The following TSPEAR variants were observed in gnomAD, a reference collection of about 807,000 sequenced individuals.
The protein encoded by TSPEAR is thrombospondin-type laminin G domain and EAR repeat-containing protein.
A neutral mutation model predicts 71.6 loss-of-function variants in TSPEAR; 69 were observed. The ratio of observed to expected loss-of-function variants is 0.96; its 90% confidence interval spans 0.79 to 1.18. The LOEUF is 1.18. Among genes scored for constraint, TSPEAR ranks in the 50% most tolerant of loss-of-function variants. The pLI is 0.00. For missense variants in TSPEAR, 971 were observed against 894.9 expected, an observed-to-expected ratio of 1.09 and a Z score of -1.09; for synonymous variants, 402 against 387.2, an observed-to-expected ratio of 1.04 and a Z score of -0.45.
chr21:44,507,822 C>A (rs1288727252), intron 10 of TSPEAR, among the ~76,000 whole-genome samples: 1 of 152,220 alleles, frequency 6.6e-6, no homozygotes, highest in African/African-American at 2.4e-5. Context: ...TGGGGACACA[C>A]AACTGCCACC....
At chr21:44,610,287 C>T (rs1439275843) in intron 1 of TSPEAR, among the ~76,000 whole-genome samples, 2 of 152,236 alleles carry the variant, frequency 1.3e-5, no homozygotes, top group African/African-American at 2.4e-5. Flanking sequence ...GGCAGCCCCT[C>T]CCATCAGAGG....
chr21:44,675,037 A>G (rs1450410768), intron 1 of TSPEAR, among the ~76,000 whole-genome samples: 1 of 152,154 alleles, frequency 6.6e-6, no homozygotes, highest in Non-Finnish European at 1.5e-5. Context: ...ATTGTTCCAA[A>G]AAATTGAAGA....
chr21:44,503,160 G>A (rs587681008), intron 11 of TSPEAR, among the ~76,000 whole-genome samples: 2 of 139,734 alleles, frequency 1.4e-5, no homozygotes, highest in South Asian at 2.3e-4. Context: ...GGCCGGCCTC[G>A]GTGAGCCCTT....
intron 8 of TSPEAR, among the ~76,000 whole-genome samples, chr21:44,524,136 G>A (rs1341866701): frequency 2.7e-5 from 4 of 150,686 alleles, no homozygotes; most frequent in Admixed American, 6.6e-5. Flanking sequence ...GTCAGTCAGT[G>A]AGGTAGTCAG....
Position 44,569,266 on chromosome 21 carries a change from A to C in TSPEAR, c.83-1261T>G, listed in dbSNP as rs117381890. ...CACGCGCACACAGGGTGTGAAACGC[A>C]GGGTGTGATGGGCACTTCTTTCTTA... On this transcript the variant is annotated intron_variant, in intron 1 of 11. Coordinates refer to ENST00000323084, the MANE Select transcript of TSPEAR (RefSeq NM_144991.3). Among the ~76,000 whole-genome samples, 71 of 152,298 alleles carry C rather than the reference A, an allele frequency of 4.7e-4. 1 individual carries two copies. The East Asian group carries it at 0.011, about 23-fold the overall frequency.
At chr21:44,689,710 T>TA (rs368034542) in intron 1 of TSPEAR, among the ~76,000 whole-genome samples, 2 of 76,548 alleles carry the variant, frequency 2.6e-5, no homozygotes, top group African/African-American at 6.1e-5. Context: ...CAGAATAGAA[T>TA]GAATATATAT....
chr21:44,502,598 G>A (rs2052054600), intron 11 of TSPEAR, among the ~76,000 whole-genome samples: 1 of 152,254 alleles, frequency 6.6e-6, no homozygotes, highest in African/African-American at 2.4e-5. Context: ...ATGTTAGGAT[G>A]TCCACACGCC....
intron 9 of TSPEAR, among the ~76,000 whole-genome samples, chr21:44,512,368 G>A (rs1555912829): frequency 3.3e-5 from 5 of 152,084 alleles, no homozygotes. Flanking sequence ...CCACTCCTAA[G>A]ATGGGAAAGA....
intron 1 of TSPEAR, chr21:44,702,851 C>A: frequency 1.1e-6 from 1 of 874,954 alleles, no homozygotes; most frequent in East Asian, 2.4e-5. Context: ...CCAACCTCTC[C>A]CACTGCTGAC....
chr21:44,501,050 T>G (rs2052020282), intron 11 of TSPEAR, among the ~76,000 whole-genome samples: 1 of 152,246 alleles, frequency 6.6e-6, no homozygotes, highest in Admixed American at 6.5e-5. Context: ...TTGTGTACAA[T>G]GTGAAGTGGG....
At chr21:44,521,815 C>T in intron 9 of TSPEAR, 68 bp downstream of exon 9, 6 of 1,438,474 alleles carry the variant, frequency 4.2e-6, no homozygotes, top group Admixed American at 3.4e-5. Flanking sequence ...CATCACCTGT[C>T]CAGCAGGTGC....
At chr21:44,537,566 CTAACTT>C (rs1264349584) in intron 2 of TSPEAR, among the ~76,000 whole-genome samples, 7 of 152,314 alleles carry the variant, frequency 4.6e-5, no homozygotes, top group African/African-American at 1.7e-4. Context: ...AGAGAATAAA[CTAACTT>C]TAAAAAAGGA....
intron 1 of TSPEAR, among the ~76,000 whole-genome samples, chr21:44,606,470 T>C (rs1981322787): frequency 6.6e-6 from 1 of 152,204 alleles, no homozygotes. Flanking sequence ...TAGCGGTTCC[T>C]CAAAAAACTA....
Position 44,710,161 on chromosome 21 carries a change from G to GCCCTCCAT in TSPEAR, c.82+1264_82+1271dup, listed in dbSNP as rs1172007168. Among the ~76,000 whole-genome samples, 2 of 152,064 alleles carry GCCCTCCAT rather than the reference G, an allele frequency of 1.3e-5. No homozygotes were observed. The highest frequency in any genetic ancestry group is 2.9e-5 in the Non-Finnish European group (2 of 68,008). ...GGGGAGGGAGAAAGGCTGGCGCTGCGCCCTCCATCGCGTGAAGCCAGGGGA... is the reference window on the plus strand; with the variant it reads ...GGGGAGGGAGAAAGGCTGGCGCTGCGCCCTCCATCCCTCCATCGCGTGAAGCCAGGGGA... On this transcript the variant is annotated intron_variant, in intron 1 of 11. Transcript: ENST00000323084. The surrounding 1 kb of genome is among the most constrained non-coding windows in gnomAD (Gnocchi z 4.6).
At chr21:44,557,273 A>T (rs1368696027) in intron 2 of TSPEAR, among the ~76,000 whole-genome samples, 2 of 152,198 alleles carry the variant, frequency 1.3e-5, no homozygotes, top group African/African-American at 4.8e-5. Context: ...TCCAAGGACA[A>T]AGGTGGTTAC....
rs1378551389 is a variant in TSPEAR at position 44,593,251 on chromosome 21, C to G, written c.83-25246G>C. Among the ~76,000 whole-genome samples the G allele has an allele frequency of 6.6e-6, 1 of 152,146 alleles. No homozygotes were observed. Among genetic ancestry groups the G allele is most frequent in the Non-Finnish European group, 1.5e-5 (1 of 68,016 alleles). On this transcript the variant is annotated intron_variant, in intron 1 of 11. Transcript: ENST00000323084. The surrounding 1 kb of genome is among the most constrained non-coding windows in gnomAD (Gnocchi z 5.9). ...AGCGGGCGGTCAGCAGCCCTCGTCC[C>G]CGCCTGGGGTGGCTCCTCTGTGTGC...
intron 2 of TSPEAR, among the ~76,000 whole-genome samples, chr21:44,552,118 G>A (rs1172160975): frequency 2.0e-5 from 3 of 152,206 alleles, no homozygotes; most frequent in African/African-American, 2.4e-5. Flanking sequence ...TGGCCTTTGG[G>A]TCTGGACTGT....
intron 1 of TSPEAR, among the ~76,000 whole-genome samples, chr21:44,583,488 T>G (rs1175212354): frequency 2.0e-5 from 3 of 152,182 alleles, no homozygotes; most frequent in Non-Finnish European, 4.4e-5. Flanking sequence ...CGCAAAGCCT[T>G]GGTCTCGTGC....
chr21:44,534,172 GA>G (rs2053037474), intron 2 of TSPEAR, among the ~76,000 whole-genome samples: 2 of 68,614 alleles, frequency 2.9e-5, no homozygotes, highest in Non-Finnish European at 5.4e-5. Flanking sequence ...GAGCTGGTGT[GA>G]GGGGGCGGGG....
Sources: allele counts gnomAD v4.1 joint callset (sites outside exome capture counted in the v4.1 genomes callset), GRCh38; gene constraint gnomAD v4.1.1; non-coding constraint Gnocchi (gnomAD v3.1); transcripts MANE v1.5; gene names NCBI Gene and HGNC (gene_info 2026-07-23, HGNC 2026-07-21).